The following TNFRSF11A variants were observed in gnomAD, a reference collection of about 807,000 sequenced individuals.
TNFRSF11A encodes the protein tumor necrosis factor receptor superfamily member 11A.
TNFRSF11A carries 32 observed loss-of-function variants against 55.7 expected under a neutral mutation model. The observed-to-expected ratio is 0.57, with a 90% CI of 0.43 to 0.77. The LOEUF (loss-of-function observed/expected upper bound fraction) is 0.77, where lower values mean the gene tolerates loss of function less well. TNFRSF11A is among the 30% of genes least tolerant of loss of function. TNFRSF11A has a pLI of 0.00. For synonymous variants in TNFRSF11A, 311 were observed against 331.0 expected (o/e 0.94, Z 0.65); for missense variants, 753 against 809.8 (o/e 0.93, Z 0.85).
At chr18:62,367,863 G>A (rs796411698) in intron 8 of TNFRSF11A, among the ~76,000 whole-genome samples, 10 of 128,376 alleles carry the variant, frequency 7.8e-5, no homozygotes, top group African/African-American at 2.7e-4. Context: ...GCGCAATCTC[G>A]GCTCACTGCA....
At chr18:62,354,001 A>G (rs1231829844) in intron 3 of TNFRSF11A, among the ~76,000 whole-genome samples, 2 of 152,222 alleles carry the variant, frequency 1.3e-5, no homozygotes, top group Admixed American at 1.3e-4. Flanking sequence ...TCTAAGGTCC[A>G]GTCTTGCGTT....
At chr18:62,348,058 CAAAAA>C (rs201661953) in intron 1 of TNFRSF11A, 105 bp from the exon 2 acceptor site, 851 of 639,108 alleles carry the variant, frequency 1.3e-3, no homozygotes, top group African/African-American at 2.6e-3. Context: ...AAACTCCATT[CAAAAA>C]AAAAAAAAAA....
intron 7 of TNFRSF11A, among the ~76,000 whole-genome samples, chr18:62,366,001 A>G (rs1482932578): frequency 6.6e-6 from 1 of 152,046 alleles, no homozygotes; most frequent in Non-Finnish European, 1.5e-5. Flanking sequence ...TATTTTTAGT[A>G]GAGATGTGGT....
chr18:62,360,386 A>G (rs868398281), intron 6 of TNFRSF11A, among the ~76,000 whole-genome samples: 1 of 152,138 alleles, frequency 6.6e-6, no homozygotes. Context: ...CATCTTCCCA[A>G]ATTGTTAGGA....
intron 4 of TNFRSF11A, 66 bp downstream of exon 4, chr18:62,354,600 C>G: frequency 6.3e-7 from 1 of 1,594,542 alleles, no homozygotes; most frequent in Non-Finnish European, 8.5e-7. Flanking sequence ...TTGAGACAGT[C>G]TTGATAATAG....
chr18:62,350,151 G>A (rs1361675448), intron 3 of TNFRSF11A, among the ~76,000 whole-genome samples: 2 of 152,136 alleles, frequency 1.3e-5, no homozygotes, highest in African/African-American at 4.8e-5. Flanking sequence ...TATTTATGTT[G>A]CCATTTAATC....
In TNFRSF11A at chr18:62,389,496, A is replaced by G. The variant is rs3017359; in HGVS notation, c.*4462A>G. On this transcript the variant is annotated 3_prime_UTR_variant, in exon 10 of 10. Coordinates refer to ENST00000586569, the MANE Select transcript of TNFRSF11A (RefSeq NM_003839.4). ...CGGCAAAACAATCCTATGTCCCCCA[A>G]GGTTTCAACAAAGAGGAGGACCGAA... 1 of 152,062 alleles carries G rather than the reference A, an allele frequency of 6.6e-6. No homozygotes were observed. The highest frequency in any genetic ancestry group is 1.5e-5 in the Non-Finnish European group (1 of 68,090). 9.4% of individuals were successfully genotyped at this position (152,062 alleles called of 1,614,324 possible).
In TNFRSF11A at chr18:62,385,084, G is replaced by A; in HGVS notation, c.*50G>A. On this transcript the variant is annotated 3_prime_UTR_variant, in exon 10 of 10. Transcript: ENST00000586569. The stretch of plus-strand genomic sequence containing the variant: ...AAGCTCGGAGCCAGGGCTCGCGAGG[G>A]CAGCACCGCAGCCTCTGCCCCAGCC... The A allele has an allele frequency of 1.4e-6, 2 of 1,409,564 alleles. No individual in the cohort carries two copies. The highest frequency in any genetic ancestry group is 2.6e-4 in the Middle Eastern group (1 of 3,866). The allele number at this position is 1,409,564 out of a possible 1,614,324, so 87.3% of individuals were successfully genotyped here.
chr18:62,380,261 A>T (rs2145390118), intron 9 of TNFRSF11A, among the ~76,000 whole-genome samples: 1 of 152,358 alleles, frequency 6.6e-6, no homozygotes, highest in South Asian at 2.1e-4. Context: ...AAAAAGGTTT[A>T]GTCTCTATCA....
intron 6 of TNFRSF11A, 133 bp from the exon 7 acceptor site, chr18:62,361,547 G>A (rs952950572): frequency 1.2e-6 from 1 of 852,384 alleles, no homozygotes; most frequent in African/African-American, 1.7e-5. Context: ...GGCAGCCAAG[G>A]GTGGGGACTG....
Position 62,337,063 on chromosome 18 carries a change from C to T in TNFRSF11A, c.76-11105C>T, listed in dbSNP as rs116385473. On this transcript the variant is annotated intron_variant, in intron 1 of 9. Transcript: ENST00000586569. ...GCCCAATAACAAGCAACTTTCAAGA[C>T]GGTGTATAAAGTCAATTGTGCAGTT... Among the ~76,000 whole-genome samples, 737 of 152,240 alleles carry T rather than the reference C, an allele frequency of 4.8e-3. 7 individuals carry two copies. Among genetic ancestry groups the T allele is most frequent in the African/African-American group, 0.017 (706 of 41,534 alleles).
chr18:62,326,949 A>C (rs2046084587), intron 1 of TNFRSF11A, among the ~76,000 whole-genome samples: 2 of 150,514 alleles, frequency 1.3e-5, no homozygotes, highest in Admixed American at 6.6e-5. Context: ...GGACTCCTAC[A>C]AAATAAGAGA....
In TNFRSF11A at chr18:62,340,481, C is replaced by T. The variant is rs544051537; in HGVS notation, c.76-7687C>T. 6.0e-5 allele frequency among the ~76,000 whole-genome samples: 9 copies of T among 149,310 alleles called. No individual in the cohort carries two copies. In the East Asian group the frequency reaches 1.8e-3, roughly 30 times the overall value. ...AAATGCTGGGGTTACAGGCGTGAGT[C>T]ACTGTGCTAAGCTTTTTTTTTTTTA... On this transcript the variant is annotated intron_variant, in intron 1 of 9. Coordinates refer to ENST00000586569, the MANE Select transcript of TNFRSF11A (RefSeq NM_003839.4).
intron 4 of TNFRSF11A, among the ~76,000 whole-genome samples, chr18:62,355,453 T>G (rs752868001): frequency 6.6e-5 from 10 of 152,036 alleles, no homozygotes; most frequent in Non-Finnish European, 1.3e-4. Flanking sequence ...AATTTTGTAT[T>G]TTTGGTAGAG....
intron 7 of TNFRSF11A, among the ~76,000 whole-genome samples, chr18:62,362,459 C>T (rs562939134): frequency 6.7e-4 from 92 of 137,252 alleles, no homozygotes; most frequent in Admixed American, 1.9e-3. Context: ...CATTGCACTC[C>T]AGCCTGGACA....
intron 1 of TNFRSF11A, among the ~76,000 whole-genome samples, chr18:62,326,139 C>T (rs1359477606): frequency 6.6e-6 from 1 of 152,242 alleles, no homozygotes; most frequent in African/African-American, 2.4e-5. Context: ...ACACCCAGCA[C>T]AACAAACGCT....
intron 1 of TNFRSF11A, among the ~76,000 whole-genome samples, chr18:62,337,078 A>G (rs188954796): frequency 6.4e-4 from 98 of 152,362 alleles, no homozygotes; most frequent in South Asian, 2.1e-3. Flanking sequence ...TATAAAGTCA[A>G]TTGTGCAGTT....
chr18:62,332,513 A>C (rs1021393221), intron 1 of TNFRSF11A, among the ~76,000 whole-genome samples: 1 of 152,340 alleles, frequency 6.6e-6, no homozygotes, highest in African/African-American at 2.4e-5. Flanking sequence ...TCCTTGTTGA[A>C]TAATTCCTAA....
At chr18:62,366,263 A>G (rs901959004) in intron 7 of TNFRSF11A, among the ~76,000 whole-genome samples, 19 of 152,384 alleles carry the variant, frequency 1.2e-4, no homozygotes, top group African/African-American at 4.6e-4. Flanking sequence ...AGAAATAAAA[A>G]TCTAGAATGA....
Sources: gnomAD v4.1 joint callset for allele counts (sites outside exome capture counted in the v4.1 genomes callset) on GRCh38, gnomAD v4.1.1 for gene constraint, MANE v1.5 for transcripts, NCBI Gene and HGNC (gene_info 2026-07-23, HGNC 2026-07-21) for gene names.